Variants in VPS13B observed in about 807,000 individuals in gnomAD.
VPS13B encodes vacuolar protein sorting 13 homolog B.
VPS13B carries 285 observed loss-of-function variants against 426.4 expected under a neutral mutation model. The ratio of observed to expected loss-of-function variants is 0.67; its 90% CI spans 0.61 to 0.74. VPS13B has a LOEUF of 0.74. VPS13B is among the 30% of genes least tolerant of loss of function. VPS13B has a pLI of 0.00. For missense variants in VPS13B, 4,537 were observed against 4,782.6 expected, an observed-to-expected ratio of 0.95 and a Z score of 1.51; for synonymous variants, 1,676 against 1,676.4, an observed-to-expected ratio of 1.00 and a Z score of 0.01.
At chr8:99,678,408 A>G (rs1250444866) in intron 35 of VPS13B, among the ~76,000 whole-genome samples, 2 of 152,084 alleles carry the variant, frequency 1.3e-5, no homozygotes, top group Non-Finnish European at 2.9e-5. Context: ...GCTGTCTTCT[A>G]TGCCCTTACT....
chr8:99,813,737 G>A (rs1299103981), intron 44 of VPS13B, among the ~76,000 whole-genome samples: 1 of 152,184 alleles, frequency 6.6e-6, no homozygotes, highest in East Asian at 1.9e-4. Context: ...AGATAGTTGA[G>A]AAATAAATGA....
At chr8:99,051,143 C>T (rs1843526562) in intron 3 of VPS13B, among the ~76,000 whole-genome samples, 1 of 152,108 alleles carries the variant, frequency 6.6e-6, no homozygotes, top group African/African-American at 2.4e-5. Context: ...AGGTTTTCTT[C>T]TAGGGTTTTT....
At chr8:99,153,174 TA>T (rs1346430161) in intron 14 of VPS13B, among the ~76,000 whole-genome samples, 1 of 152,170 alleles carries the variant, frequency 6.6e-6, no homozygotes, top group Non-Finnish European at 1.5e-5. Flanking sequence ...TTGTCTCAAA[TA>T]AATACATAAG....
intron 3 of VPS13B, among the ~76,000 whole-genome samples, chr8:99,059,945 A>G (rs1354146387): frequency 6.6e-6 from 1 of 151,886 alleles, no homozygotes; most frequent in Non-Finnish European, 1.5e-5. Context: ...CACATTGGCC[A>G]GGATGGTCTT....
intron 19 of VPS13B, among the ~76,000 whole-genome samples, chr8:99,373,909 G>A (rs947695662): frequency 6.6e-6 from 1 of 152,008 alleles, no homozygotes; most frequent in African/African-American, 2.4e-5. Flanking sequence ...CATTCCTTCT[G>A]TAGAATTAAG....
intron 19 of VPS13B, among the ~76,000 whole-genome samples, chr8:99,308,004 T>C (rs1451770663): frequency 1.3e-5 from 2 of 152,138 alleles, no homozygotes; most frequent in African/African-American, 4.8e-5. Context: ...AATTTCTTCA[T>C]TGACCCAATG....
intron 43 of VPS13B, among the ~76,000 whole-genome samples, chr8:99,795,950 AAGGCAC>A (rs1409540766): frequency 1.3e-5 from 2 of 152,178 alleles, no homozygotes; most frequent in African/African-American, 4.8e-5. Context: ...GGGGAACATA[AAGGCAC>A]AGATAACAAG....
chr8:99,101,969 C>T (rs1469416849), intron 4 of VPS13B, among the ~76,000 whole-genome samples: 2 of 152,144 alleles, frequency 1.3e-5, no homozygotes, highest in East Asian at 3.9e-4. Context: ...TAGCTTTTTA[C>T]AGTGGAAAAG....
intron 58 of VPS13B, among the ~76,000 whole-genome samples, chr8:99,862,511 T>C (rs1816891336): frequency 2.0e-5 from 3 of 152,242 alleles, no homozygotes; most frequent in Admixed American, 2.0e-4. Context: ...ATATTACAAA[T>C]GTTTGAAAAT....
chr8:99,326,452 C>CTTGTTTTTTTT (rs1810267861), intron 19 of VPS13B, among the ~76,000 whole-genome samples: 1 of 32,516 alleles, frequency 3.1e-5, no homozygotes, highest in African/African-American at 1.3e-4. Context: ...CTCTAGGTAG[C>CTTGTTTTTTTT]TTTTTTTTTT....
At position 99,835,228 on chromosome 8, in the gene VPS13B, G is replaced by A. The variant is rs758775003; in HGVS notation, c.9646G>A (p.Gly3216Arg). Reference protein sequence around the residue: ...AIVLTYQEHLGVTYLTLSEDP... With the variant: ...AIVLTYQEHLRVTYLTLSEDP... The stretch of plus-strand genomic sequence containing the variant: ...AGTGCTGACATATCAAGAACACCTC[G>A]GAGTGACTTATTTAACCCTCTCAGA... The change falls in exon 53 of 62, where the codon GGA becomes AGA. Residue 3216 changes from glycine (G) to arginine (R), a missense_variant. By Grantham distance (125) the Gly-to-Arg change is moderately radical (BLOSUM62 -2). Transcript: ENST00000357162. 22 of 1,613,704 alleles carry A rather than the reference G, an allele frequency of 1.4e-5. No homozygotes were observed. Among genetic ancestry groups the A allele is most frequent in the South Asian group, 5.5e-5 (5 of 91,054 alleles).
chr8:99,054,057 C>G (rs911928011), intron 3 of VPS13B, among the ~76,000 whole-genome samples: 1 of 152,158 alleles, frequency 6.6e-6, no homozygotes, highest in Non-Finnish European at 1.5e-5. Context: ...GTATTTACCC[C>G]ATTTGGTTTA....
At chr8:99,306,880 G>A (rs1408905129) in intron 19 of VPS13B, among the ~76,000 whole-genome samples, 1 of 152,136 alleles carries the variant, frequency 6.6e-6, no homozygotes, top group Non-Finnish European at 1.5e-5. Context: ...TTAACTGACA[G>A]TTTATTGACT....
intron 33 of VPS13B, among the ~76,000 whole-genome samples, chr8:99,628,771 A>C (rs988353342): frequency 6.6e-6 from 1 of 150,926 alleles, no homozygotes; most frequent in East Asian, 1.9e-4. Flanking sequence ...TTTACTAGCT[A>C]TGTGTTTTTT....
At chr8:99,070,075 T>G (rs529988661) in intron 3 of VPS13B, among the ~76,000 whole-genome samples, 1 of 152,232 alleles carries the variant, frequency 6.6e-6, no homozygotes, top group East Asian at 1.9e-4. Flanking sequence ...CAGCTGATTT[T>G]TTTAATTTTT....
intron 19 of VPS13B, among the ~76,000 whole-genome samples, chr8:99,380,961 A>G (rs890224062): frequency 6.6e-6 from 1 of 150,680 alleles, no homozygotes; most frequent in African/African-American, 2.4e-5. Flanking sequence ...AGCTTGTGTC[A>G]TGGGGATTTA....
intron 33 of VPS13B, among the ~76,000 whole-genome samples, chr8:99,597,710 A>G (rs781212532): frequency 1.3e-5 from 2 of 152,028 alleles, no homozygotes; most frequent in Non-Finnish European, 2.9e-5. Flanking sequence ...GATATCAGTG[A>G]CATCATGCAG....
chr8:99,861,786 A>G lies in VPS13B; in HGVS notation c.11055A>G (p.Thr3685=), dbSNP rs2130941627. ...FVKHISKGTL[T]SITNLATSLA... ...CTCTTGTTCCCTCAGGTACCCTCAC[A>G]TCCATCACCAACCTCGCCACAAGCC... The change falls in exon 58 of 62, where the codon ACA becomes ACG. Residue 3685 remains threonine, a synonymous_variant. Transcript: ENST00000357162. The G allele has an allele frequency of 6.9e-6, 11 of 1,595,120 alleles. No individual in the cohort carries two copies. The highest frequency in any genetic ancestry group is 9.4e-6 in the Non-Finnish European group (11 of 1,170,854).
At chr8:99,586,281 T>G (rs1270953013) in intron 33 of VPS13B, among the ~76,000 whole-genome samples, 1 of 152,216 alleles carries the variant, frequency 6.6e-6, no homozygotes, top group Non-Finnish European at 1.5e-5. Flanking sequence ...ATGATTTTTC[T>G]GATGGAATCC....
Sources: gnomAD v4.1 joint callset for allele counts (sites outside exome capture counted in the v4.1 genomes callset) on GRCh38, gnomAD v4.1.1 for gene constraint, MANE v1.5 for transcripts, NCBI Gene and HGNC (gene_info 2026-07-23, HGNC 2026-07-21) for gene names.